The following ADAMTSL1 variants were observed in gnomAD, a reference collection of about 807,000 sequenced individuals.
ADAMTSL1 encodes the protein ADAMTS like 1, also known as ADAMTS-like protein 1.
A neutral mutation model predicts 201.8 loss-of-function variants in ADAMTSL1; 126 were observed. The ratio of observed to expected loss-of-function variants is 0.62; its 90% CI spans 0.54 to 0.72. The LOEUF is 0.72. Ranked by LOEUF, ADAMTSL1 falls within the 30% of genes least tolerant of loss-of-function variation. The probability of loss-of-function intolerance (pLI) is 0.00; values close to 1 mark genes in which losing one functional copy is unlikely to be tolerated. For missense variants in ADAMTSL1, 2,679 were observed against 2,277.8 expected, an observed-to-expected ratio of 1.18 and a Z score of -3.59; for synonymous variants, 1,121 against 903.4, an observed-to-expected ratio of 1.24 and a Z score of -4.32.
intron 24 of ADAMTSL1, among the ~76,000 whole-genome samples, chr9:18,888,710 C>T (rs1829055494): frequency 6.6e-6 from 1 of 152,086 alleles, no homozygotes; most frequent in Non-Finnish European, 1.5e-5. Context: ...CTTGTTCGAC[C>T]TGTGGCCTAT....
intron 1 of ADAMTSL1, among the ~76,000 whole-genome samples, chr9:17,919,025 AAT>A (rs1043464192): frequency 7.2e-5 from 11 of 151,836 alleles, no homozygotes; most frequent in Non-Finnish European, 1.5e-4. Flanking sequence ...TTTTTAATAT[AAT>A]AGTTACCTCC....
rs114140396 is a variant in ADAMTSL1, at chr9:18,792,075, G to A, written c.3678-3322G>A. 5.9e-3 allele frequency among the ~76,000 whole-genome samples: 864 copies of A among 147,364 alleles called. 3 individuals carry two copies. The highest frequency in any genetic ancestry group is 0.022 in the African/African-American group (827 of 37,712). ...AATCAGACAGGTGCAGTAGTTGTAT[G>A]CAAAAAAAAAATGATTCTAATATGG... On this transcript the variant is annotated intron_variant, in intron 19 of 28. Transcript: ENST00000380548.
intron 2 of ADAMTSL1, among the ~76,000 whole-genome samples, chr9:18,355,864 T>G (rs1202709621): frequency 6.6e-6 from 1 of 152,142 alleles, no homozygotes; most frequent in Non-Finnish European, 1.5e-5. Context: ...TACTGTTAAT[T>G]AACCAGGCAT....
At chr9:18,008,739 C>T (rs1259906950) in intron 1 of ADAMTSL1, among the ~76,000 whole-genome samples, 2 of 152,008 alleles carry the variant, frequency 1.3e-5, no homozygotes, top group African/African-American at 4.8e-5. Flanking sequence ...TTGCTTAGAA[C>T]TCATGGCCAT....
chr9:17,954,520 C>A (rs372173652), intron 1 of ADAMTSL1, among the ~76,000 whole-genome samples: 1 of 152,088 alleles, frequency 6.6e-6, no homozygotes, highest in Non-Finnish European at 1.5e-5. Flanking sequence ...CATTATTATA[C>A]CTGCATGACA....
chr9:18,556,249 T>C (rs750899038), intron 3 of ADAMTSL1, among the ~76,000 whole-genome samples: 4 of 151,982 alleles, frequency 2.6e-5, no homozygotes, highest in Middle Eastern at 3.2e-3. Context: ...GCTTGACTTA[T>C]GGTCTTAGCA....
At chr9:18,529,350 C>T (rs1002768833) in intron 2 of ADAMTSL1, among the ~76,000 whole-genome samples, 3 of 152,080 alleles carry the variant, frequency 2.0e-5, no homozygotes, top group South Asian at 2.1e-4. Flanking sequence ...CTCAGCTTTC[C>T]GAATTTTTAG....
At chr9:18,281,714 T>C (rs1192353237) in intron 2 of ADAMTSL1, among the ~76,000 whole-genome samples, 1 of 152,194 alleles carries the variant, frequency 6.6e-6, no homozygotes, top group African/African-American at 2.4e-5. Context: ...TTTGTGTCCA[T>C]GTTCAATTGA....
chr9:18,670,769 T>C (rs1829759279), intron 9 of ADAMTSL1, among the ~76,000 whole-genome samples: 1 of 152,342 alleles, frequency 6.6e-6, no homozygotes, highest in South Asian at 2.1e-4. Flanking sequence ...ATATAGCTTC[T>C]GCCTCATGGT....
intron 1 of ADAMTSL1, among the ~76,000 whole-genome samples, chr9:17,982,897 G>GCAGAGGTT (rs1818767728): frequency 6.6e-6 from 1 of 151,656 alleles, no homozygotes; most frequent in Non-Finnish European, 1.5e-5. Flanking sequence ...TTTTCTTAGA[G>GCAGAGGTT]CAGAGGTTCT....
At chr9:18,030,352 A>T (rs7864879) in intron 1 of ADAMTSL1, among the ~76,000 whole-genome samples, 11,345 of 152,068 alleles carry the variant, frequency 0.075, 607 homozygotes, top group African/African-American at 0.15. Flanking sequence ...AACAATGAGA[A>T]CACATGGACA....
chr9:18,885,084 A>G (rs974254025), intron 23 of ADAMTSL1, among the ~76,000 whole-genome samples: 2 of 152,150 alleles, frequency 1.3e-5, no homozygotes, highest in Non-Finnish European at 1.5e-5. Flanking sequence ...TGTCGTTTTC[A>G]GTGTTCAAGA....
intron 1 of ADAMTSL1, among the ~76,000 whole-genome samples, chr9:18,052,686 A>G (rs1821991827): frequency 6.6e-6 from 1 of 152,206 alleles, no homozygotes; most frequent in African/African-American, 2.4e-5. Flanking sequence ...GCAAAGTAGA[A>G]ACTGTATTAA....
chr9:18,628,230 A>C (rs954524378), intron 5 of ADAMTSL1, among the ~76,000 whole-genome samples: 1 of 152,180 alleles, frequency 6.6e-6, no homozygotes, highest in Non-Finnish European at 1.5e-5. Flanking sequence ...TTTCACCTTT[A>C]GATCAGTGAC....
chr9:18,169,325 G>A lies in ADAMTSL1; in HGVS notation c.207+5344G>A, dbSNP rs1466897598. ...GTATAAGGTGTAAGGAAGGGATCCA[G>A]TTTCAGCTTTCTACATATGGCTAGC... is the stretch of plus-strand genomic sequence containing the variant. On this transcript the variant is annotated intron_variant, in intron 2 of 29. Transcript: ENST00000680146. Among the ~76,000 whole-genome samples the A allele has an allele frequency of 6.6e-5, 10 of 151,950 alleles. No individual in the cohort carries two copies. The East Asian group carries it at 7.7e-4, about 12-fold the overall frequency.
intron 26 of ADAMTSL1, among the ~76,000 whole-genome samples, chr9:18,904,822 C>A (rs1384535269): frequency 6.9e-6 from 1 of 145,152 alleles, no homozygotes; most frequent in Non-Finnish European, 1.5e-5. Context: ...TCCAGAAGAG[C>A]AATAATTCGC....
intron 17 of ADAMTSL1, 44 bp downstream of exon 17, chr9:18,770,825 A>G (rs764523022): frequency 6.3e-7 from 1 of 1,585,364 alleles, no homozygotes; most frequent in Non-Finnish European, 8.6e-7. Context: ...TCCAAGTAGG[A>G]AAAGAAGGCA....
chr9:18,054,214 T>C (rs190034187), intron 1 of ADAMTSL1, among the ~76,000 whole-genome samples: 45 of 152,362 alleles, frequency 3.0e-4, no homozygotes, highest in Admixed American at 5.9e-4. Context: ...ACATACATTG[T>C]AGAAAATTGA....
At chr9:18,295,078 T>C (rs893411381) in intron 2 of ADAMTSL1, among the ~76,000 whole-genome samples, 7 of 152,144 alleles carry the variant, frequency 4.6e-5, no homozygotes, top group African/African-American at 1.2e-4. Flanking sequence ...GTGTGTGGCA[T>C]GCTGCTGCTG....
Sources: allele counts gnomAD v4.1 joint callset (sites outside exome capture counted in the v4.1 genomes callset), GRCh38; gene constraint gnomAD v4.1.1; transcripts MANE v1.5; gene names NCBI Gene and HGNC (gene_info 2026-07-23, HGNC 2026-07-21).